INSC: variants seen among roughly 807,000 people sequenced by gnomAD.
INSC encodes the protein protein inscuteable homolog.
Under a neutral mutation model 58.6 loss-of-function variants are expected in INSC, and 67 were observed. That is an observed-to-expected ratio of 1.14 (90% CI 0.94 to 1.40). INSC has a LOEUF of 1.40. INSC is among the 40% of genes most tolerant of loss of function. The pLI, the probability that INSC is intolerant of heterozygous loss-of-function variation, is 0.00. For synonymous variants in INSC, 262 were observed against 276.1 expected (o/e 0.95, Z 0.51); for missense variants, 714 against 692.0 (o/e 1.03, Z -0.36).
At chr11:15,174,169 C>T (rs1849497293) in intron 2 of INSC, among the ~76,000 whole-genome samples, 1 of 151,998 alleles carries the variant, frequency 6.6e-6, no homozygotes, top group African/African-American at 2.4e-5. Context: ...ACACTTCTGC[C>T]CCCAGAGCCT....
chr11:15,119,761 A>G (rs1253640583), intron 1 of INSC, among the ~76,000 whole-genome samples: 1 of 152,176 alleles, frequency 6.6e-6, no homozygotes, highest in Non-Finnish European at 1.5e-5. Context: ...GGAGGGTCAG[A>G]GGTGGGCGGT....
chr11:15,151,420 T>C (rs758148539), intron 2 of INSC, among the ~76,000 whole-genome samples: 4 of 151,984 alleles, frequency 2.6e-5, no homozygotes, highest in Non-Finnish European at 5.9e-5. Flanking sequence ...TCTCTCTCCC[T>C]CCCACCAGGT....
chr11:15,212,070 G>A (rs551436284), intron 7 of INSC, among the ~76,000 whole-genome samples: 2 of 152,060 alleles, frequency 1.3e-5, no homozygotes, highest in East Asian at 3.9e-4. Context: ...TGAAATGATT[G>A]GGGTTTTTAA....
chr11:15,196,739 A>G (rs543331552), intron 6 of INSC, among the ~76,000 whole-genome samples: 47 of 152,208 alleles, frequency 3.1e-4, no homozygotes, highest in Non-Finnish European at 4.4e-4. Flanking sequence ...GTGCCAGATA[A>G]TGTTCTAAGG....
At chr11:15,226,155 C>T (rs1851631121) in intron 9 of INSC, among the ~76,000 whole-genome samples, 1 of 152,090 alleles carries the variant, frequency 6.6e-6, no homozygotes. Context: ...GGGCCTTCCT[C>T]AATCTCTGTT....
chr11:15,176,997 C>T, intron 3 of INSC, 114 bp from the exon 4 acceptor site: 1 of 851,624 alleles, frequency 1.2e-6, no homozygotes, highest in Admixed American at 1.7e-5. Flanking sequence ...ACTGCCTGTT[C>T]CCCAAGTCAC....
chr11:15,221,423 G>T, intron 7 of INSC, 54 bp from the exon 8 acceptor site: 2 of 1,550,654 alleles, frequency 1.3e-6, no homozygotes, highest in African/African-American at 1.4e-5. Context: ...TTAATGTCAT[G>T]GGCAGTGGTG....
chr11:15,119,415 C>T (rs569838254), intron 1 of INSC, among the ~76,000 whole-genome samples: 1 of 152,326 alleles, frequency 6.6e-6, no homozygotes, highest in Admixed American at 6.5e-5. Context: ...CCGGTCTGAT[C>T]TCCCCTCCCC....
Position 15,176,105 on chromosome 11 carries a change from G to A in INSC, c.402+19G>A. The A allele has an allele frequency of 6.7e-7, 1 of 1,482,478 alleles. No homozygotes were observed. The highest frequency in any genetic ancestry group is 9.1e-7 in the Non-Finnish European group (1 of 1,103,868). 91.8% of individuals were successfully genotyped at this position (1,482,478 alleles called of 1,614,324 possible). A position where few individuals can be genotyped will look rare whatever the true frequency, so the allele number is the denominator to read the frequency against. The stretch of plus-strand genomic sequence containing the variant: ...GGGCGAGGTCAGCTGCCCTGGGATA[G>A]GAGTGGGCGGGAACTGGAAGTCAGG... On this transcript the variant is annotated intron_variant, in intron 3 of 12. Transcript: ENST00000379556.
intron 2 of INSC, among the ~76,000 whole-genome samples, chr11:15,159,478 T>A (rs1848938920): frequency 6.6e-6 from 1 of 152,210 alleles, no homozygotes; most frequent in Non-Finnish European, 1.5e-5. Flanking sequence ...CCATTTGTAG[T>A]CTATACATCA....
the INSC span, among the ~76,000 whole-genome samples, chr11:15,269,392 C>T: frequency 1.1e-4 from 17 of 152,118 alleles, no homozygotes; most frequent in South Asian, 2.1e-3. Flanking sequence ...AAATGACCAA[C>T]GTCTCCCAAC....
chr11:15,144,868 A>T, intron 1 of INSC, among the ~76,000 whole-genome samples: 1 of 152,232 alleles, frequency 6.6e-6, no homozygotes, highest in Non-Finnish European at 1.5e-5. Context: ...CACAGCAAAC[A>T]TTGAATTAAA....
Position 15,221,501 on chromosome 11 carries a change from G to A in INSC, c.844G>A (p.Asp282Asn), listed in dbSNP as rs61745838. 0.036 allele frequency: 57,784 copies of A among 1,612,490 alleles called. 1,160 individuals are homozygous for A. Among genetic ancestry groups the A allele is most frequent in the Middle Eastern group, 0.053 (321 of 6,060 alleles). The change falls in exon 8 of 13, where the codon GAC becomes AAC. Residue 282 changes from aspartate (D) to asparagine (N), a missense_variant. Asp to Asn is a conservative substitution (Grantham distance 23). Coordinates refer to ENST00000379556, the MANE Select transcript of INSC (RefSeq NM_001042536.3). ...GGTGGATGGCGTTCTGTGCTTGGCC[G>A]ACATCCTGACCGACAACAGCCACTC... is the stretch of plus-strand genomic sequence containing the variant. ...EKVDGVLCLADILTDNSHSEA... is the reference protein window; with the variant it reads ...EKVDGVLCLANILTDNSHSEA...
rs1380920257 is a variant in INSC, at chr11:15,221,526, CAG to C, written c.872_873del (p.Glu291GlyfsTer5). 6.2e-7 allele frequency: 1 copy of C among 1,613,910 alleles called. No individual in the cohort carries two copies. Among genetic ancestry groups the C allele is most frequent in the Non-Finnish European group, 8.5e-7 (1 of 1,179,904 alleles). On this transcript the variant is annotated frameshift_variant, in exon 8 of 13. Transcript: ENST00000379556. LOFTEE classifies it high-confidence loss of function. ...GACATCCTGACCGACAACAGCCACT[CAG>C]AGGCCACACGGGCTGAGGCTGCGGC...
At chr11:15,242,029 T>C (rs1167565237) in intron 12 of INSC, among the ~76,000 whole-genome samples, 1 of 152,250 alleles carries the variant, frequency 6.6e-6, no homozygotes, top group Non-Finnish European at 1.5e-5. Flanking sequence ...AAGGAAATGC[T>C]AAGTTTCAGT....
intron 2 of INSC, among the ~76,000 whole-genome samples, chr11:15,151,083 A>G (rs760786565): frequency 2.6e-5 from 4 of 152,158 alleles, no homozygotes; most frequent in African/African-American, 9.7e-5. Flanking sequence ...GGTCATAGAA[A>G]TCAGTGGTCC....
rs183477524 is a variant in INSC, at chr11:15,232,664, C to T, written c.1171-2938C>T. 3.6e-3 allele frequency among the ~76,000 whole-genome samples: 555 copies of T among 152,156 alleles called. 1 individual carries two copies. Among genetic ancestry groups the T allele is most frequent in the African/African-American group, 0.013 (526 of 41,494 alleles). The stretch of plus-strand genomic sequence containing the variant: ...TATAGCGACACGGGTTTTCTAGATG[C>T]GATTGAGTTAAGATCTTGACATAGG... On this transcript the variant is annotated intron_variant, in intron 9 of 12. Coordinates refer to ENST00000379556, the MANE Select transcript of INSC (RefSeq NM_001042536.3).
At chr11:15,220,516 T>C (rs1481130837) in intron 7 of INSC, among the ~76,000 whole-genome samples, 7 of 152,200 alleles carry the variant, frequency 4.6e-5, no homozygotes, top group African/African-American at 1.7e-4. Flanking sequence ...TCACATCCTG[T>C]TCAAAACCTG....
intron 8 of INSC, 63 bp from the exon 9 acceptor site, chr11:15,225,587 A>G: frequency 6.6e-7 from 1 of 1,513,482 alleles, no homozygotes. Flanking sequence ...GTGTGAACCA[A>G]ATGAGACAAG....
Sources: allele counts gnomAD v4.1 joint callset (sites outside exome capture counted in the v4.1 genomes callset), GRCh38; gene constraint gnomAD v4.1.1; transcripts MANE v1.5; gene names NCBI Gene and HGNC (gene_info 2026-07-23, HGNC 2026-07-21).